Variants in YPEL2 observed in about 807,000 individuals in gnomAD.
YPEL2 encodes protein yippee-like 2.
A neutral mutation model predicts 19.1 loss-of-function variants in YPEL2; 2 were observed. The ratio of observed to expected loss-of-function variants is 0.10; its 90% CI spans 0.04 to 0.33. The LOEUF is 0.33. Among genes scored for constraint, YPEL2 ranks in the 10% least tolerant of loss-of-function variants. YPEL2 has a pLI of 1.00. For synonymous variants in YPEL2, 52 were observed against 50.0 expected, an observed-to-expected ratio of 1.04 and a Z score of -0.17; for missense variants, 66 against 140.7, an observed-to-expected ratio of 0.47 and a Z score of 2.68.
chr17:59,332,924 C>T (rs2047679223), intron 1 of YPEL2, among the ~76,000 whole-genome samples: 2 of 152,232 alleles, frequency 1.3e-5, no homozygotes, highest in African/African-American at 4.8e-5. Context: ...GCTAACGAGA[C>T]AGCTGTCTTT....
intron 1 of YPEL2, among the ~76,000 whole-genome samples, chr17:59,342,232 G>A (rs139280536): frequency 9.2e-5 from 14 of 152,286 alleles, no homozygotes; most frequent in Non-Finnish European, 1.9e-4. Flanking sequence ...TGCCCTGGGG[G>A]ACCAGCAGTT....
intron 2 of YPEL2, among the ~76,000 whole-genome samples, chr17:59,368,870 T>G (rs1267365475): frequency 6.6e-6 from 1 of 152,222 alleles, no homozygotes; most frequent in Non-Finnish European, 1.5e-5. Context: ...ATCCTTGAGC[T>G]TTGTGTGATT....
chr17:59,338,570 C>T (rs140365984), intron 1 of YPEL2, among the ~76,000 whole-genome samples: 1 of 152,244 alleles, frequency 6.6e-6, no homozygotes, highest in East Asian at 1.9e-4. Context: ...AACAGTTGTG[C>T]AGAGGCACTG....
intron 4 of YPEL2, among the ~76,000 whole-genome samples, chr17:59,392,461 A>AC (rs1014863675): frequency 7.5e-6 from 1 of 134,072 alleles, no homozygotes; most frequent in African/African-American, 2.9e-5. Context: ...AACACCCAAC[A>AC]CCCCAAATAT....
chr17:59,345,825 A>G (rs2047752979), intron 1 of YPEL2, among the ~76,000 whole-genome samples: 1 of 152,168 alleles, frequency 6.6e-6, no homozygotes, highest in Admixed American at 6.5e-5. Flanking sequence ...GCTGTGCTGA[A>G]TACTCCAATT....
chr17:59,348,217 G>A (rs2047766722), intron 1 of YPEL2, among the ~76,000 whole-genome samples: 1 of 152,208 alleles, frequency 6.6e-6, no homozygotes, highest in South Asian at 2.1e-4. Context: ...GACACCCCAT[G>A]GAAACAACAA....
At chr17:59,355,960 A>T (rs927181959) in intron 2 of YPEL2, 6 of 152,188 alleles carry the variant, frequency 3.9e-5, no homozygotes, top group Non-Finnish European at 8.8e-5. Context: ...CTGGCATTGC[A>T]CAAAGCTTCC....
intron 2 of YPEL2, among the ~76,000 whole-genome samples, chr17:59,367,502 G>A (rs2147946799): frequency 6.6e-6 from 1 of 152,320 alleles, no homozygotes; most frequent in African/African-American, 2.4e-5. Context: ...AAACAAATGA[G>A]CATGGATGTT....
chr17:59,331,913 C>A (rs1280259283), intron 1 of YPEL2, 89 bp downstream of exon 1: 1 of 151,314 alleles, frequency 6.6e-6, no homozygotes, highest in African/African-American at 2.4e-5. Flanking sequence ...GCCCCGGCCT[C>A]CGGACTCCCC....
chr17:59,386,042 G>A (rs2047978325), intron 2 of YPEL2, among the ~76,000 whole-genome samples: 1 of 152,152 alleles, frequency 6.6e-6, no homozygotes, highest in Admixed American at 6.5e-5. Context: ...AGGAAAACAG[G>A]CCGGGTGCGG....
At chr17:59,389,548 C>T (rs1057381111) in intron 4 of YPEL2, 80 bp downstream of exon 4, 14 of 1,103,896 alleles carry the variant, frequency 1.3e-5, no homozygotes, top group African/African-American at 4.6e-5. Flanking sequence ...TTCTTCTACT[C>T]GCTTTCCATG....
chr17:59,334,391 G>GGC (rs137996762), intron 1 of YPEL2, among the ~76,000 whole-genome samples: 4 of 91,140 alleles, frequency 4.4e-5, no homozygotes, highest in South Asian at 1.2e-3. Flanking sequence ...CTTTTTATTT[G>GGC]GGGGGGGGTG....
chr17:59,390,363 A>G (rs1444460868), intron 4 of YPEL2, among the ~76,000 whole-genome samples: 1 of 152,102 alleles, frequency 6.6e-6, no homozygotes, highest in Non-Finnish European at 1.5e-5. Flanking sequence ...GCTGGCCTCA[A>G]ACTCCTGAGC....
intron 1 of YPEL2, among the ~76,000 whole-genome samples, chr17:59,341,646 G>A (rs927010555): frequency 1.3e-5 from 2 of 151,976 alleles, no homozygotes; most frequent in African/African-American, 2.4e-5. Flanking sequence ...CAACAAGTGC[G>A]AAACAACGTC....
chr17:59,382,115 G>GGA (rs2047952471), intron 2 of YPEL2, among the ~76,000 whole-genome samples: 1 of 152,188 alleles, frequency 6.6e-6, no homozygotes. Context: ...AACCCATGAT[G>GGA]GAAAAGTCTT....
chr17:59,349,196 A>C (rs2047773676), intron 1 of YPEL2, among the ~76,000 whole-genome samples: 1 of 146,634 alleles, frequency 6.8e-6, no homozygotes, highest in Non-Finnish European at 1.5e-5. Context: ...AAAAAAAAAA[A>C]AATCAATTTT....
chr17:59,338,459 A>G (rs1314558354), intron 1 of YPEL2, among the ~76,000 whole-genome samples: 2 of 152,232 alleles, frequency 1.3e-5, no homozygotes, highest in Non-Finnish European at 2.9e-5. Flanking sequence ...AAGTGTAGGC[A>G]CGGAACAGAT....
chr17:59,359,666 T>A (rs2047830494), intron 2 of YPEL2, among the ~76,000 whole-genome samples: 1 of 152,204 alleles, frequency 6.6e-6, no homozygotes, highest in Non-Finnish European at 1.5e-5. Flanking sequence ...ACATAATGAT[T>A]TTTACAAAAA....
At chr17:59,374,215 A>G (rs2047909726) in intron 2 of YPEL2, among the ~76,000 whole-genome samples, 1 of 152,154 alleles carries the variant, frequency 6.6e-6, no homozygotes, top group African/African-American at 2.4e-5. Flanking sequence ...TGACCCAGTT[A>G]TGTTCCATTT....
Sources: allele counts gnomAD v4.1 joint callset (sites outside exome capture counted in the v4.1 genomes callset), GRCh38; gene constraint gnomAD v4.1.1; transcripts MANE v1.5; gene names NCBI Gene and HGNC (gene_info 2026-07-23, HGNC 2026-07-21).